Variants in FILIP1 observed in about 807,000 individuals in gnomAD.
FILIP1 encodes filamin-A-interacting protein 1.
Under a neutral mutation model 102.1 loss-of-function variants are expected in FILIP1, and 61 were observed. That is an observed-to-expected ratio of 0.60 (90% CI 0.49 to 0.74). The LOEUF (loss-of-function observed/expected upper bound fraction) is 0.74, where lower values mean the gene tolerates loss of function less well. Ranked by LOEUF, FILIP1 falls within the 30% of genes least tolerant of loss-of-function variation. FILIP1 has a pLI of 0.00. For synonymous variants in FILIP1, 491 were observed against 526.9 expected (o/e 0.93, Z 0.93); for missense variants, 1,314 against 1,441.2 (o/e 0.91, Z 1.43).
intron 2 of FILIP1, among the ~76,000 whole-genome samples, chr6:75,373,542 C>T (rs1775646118): frequency 6.6e-6 from 1 of 152,036 alleles, no homozygotes; most frequent in Non-Finnish European, 1.5e-5. Context: ...TGGCCTCATG[C>T]AATCCTCCCA....
At chr6:75,344,789 T>G (rs1774522636) in intron 4 of FILIP1, among the ~76,000 whole-genome samples, 1 of 152,230 alleles carries the variant, frequency 6.6e-6, no homozygotes, top group African/African-American at 2.4e-5. Context: ...AATCAGGAAC[T>G]TAAGAGTTTC....
At chr6:75,379,046 C>A (rs1017986360) in intron 2 of FILIP1, among the ~76,000 whole-genome samples, 1 of 152,114 alleles carries the variant, frequency 6.6e-6, no homozygotes, top group African/African-American at 2.4e-5. Context: ...CTTTAGAGAT[C>A]ATCGAACTTA....
chr6:75,415,064 C>A (rs1777215129), intron 1 of FILIP1, 86 bp from the exon 2 acceptor site: 3 of 1,258,596 alleles, frequency 2.4e-6, no homozygotes, highest in Non-Finnish European at 3.3e-6. Context: ...CTTATAGCAG[C>A]TTTACCACAT....
chr6:75,366,485 A>C (rs1359641381), intron 2 of FILIP1, among the ~76,000 whole-genome samples: 1 of 152,250 alleles, frequency 6.6e-6, no homozygotes, highest in Non-Finnish European at 1.5e-5. Context: ...AATAGTTTCC[A>C]ATCTCAGCTA....
At chr6:75,368,495 T>C (rs1485354196) in intron 2 of FILIP1, among the ~76,000 whole-genome samples, 3 of 152,178 alleles carry the variant, frequency 2.0e-5, no homozygotes, top group African/African-American at 7.2e-5. Context: ...TGGAGAGATA[T>C]AAACAAACAA....
chr6:75,423,662 A>C (rs1777543748), intron 1 of FILIP1, among the ~76,000 whole-genome samples: 1 of 152,170 alleles, frequency 6.6e-6, no homozygotes, highest in African/African-American at 2.4e-5. Flanking sequence ...ACAATGCCGG[A>C]CCACACATTG....
chr6:75,377,798 T>C (rs1775793250), intron 2 of FILIP1, among the ~76,000 whole-genome samples: 1 of 152,266 alleles, frequency 6.6e-6, no homozygotes, highest in African/African-American at 2.4e-5. Flanking sequence ...GCTACCTTTT[T>C]GCCCTTCGCT....
intron 4 of FILIP1, among the ~76,000 whole-genome samples, chr6:75,345,293 T>C (rs1300818242): frequency 6.6e-6 from 1 of 152,042 alleles, no homozygotes; most frequent in Non-Finnish European, 1.5e-5. Flanking sequence ...CTTAGGCAGA[T>C]AGTGAGAGTA....
At position 75,313,192 on chromosome 6, in the gene FILIP1, G is replaced by A; in HGVS notation, c.2640C>T (p.Pro880=). 1 of 1,614,134 alleles carries A rather than the reference G, an allele frequency of 6.2e-7. No homozygotes were observed. Among genetic ancestry groups the A allele is most frequent in the Non-Finnish European group, 8.5e-7 (1 of 1,180,028 alleles). Residue 880 remains proline, a synonymous_variant, in exon 5 of 6, where the codon CCC becomes CCT. Transcript: ENST00000237172. This position sits in a 1 kb window ranked among gnomAD's most constrained non-coding sequence, Gnocchi z 4.2. ...GGGGCCCTTTCTCCTGAGTGATGGA[G>A]GGGCCGTTTTCCCTCTTTCTCATCC... ...IPWMRKRENG[P]SITQEKGPRT...
intron 1 of FILIP1, among the ~76,000 whole-genome samples, chr6:75,483,285 C>A (rs1244570309): frequency 1.3e-5 from 2 of 152,176 alleles, no homozygotes; most frequent in Admixed American, 6.5e-5. Flanking sequence ...GTTTCCAATG[C>A]ACCTGCTGTA....
intron 4 of FILIP1, among the ~76,000 whole-genome samples, chr6:75,338,965 G>GA (rs1194769044): frequency 4.0e-5 from 6 of 151,750 alleles, no homozygotes; most frequent in Admixed American, 3.9e-4. Context: ...TTCAGTTCAT[G>GA]AAAAAAAATC....
rs377098725 is a variant in FILIP1 at position 75,405,033 on chromosome 6, A to G, written c.276+9664T>C. On this transcript the variant is annotated intron_variant, in intron 2 of 5. Coordinates refer to ENST00000237172, the MANE Select transcript of FILIP1 (RefSeq NM_015687.5). ...TTTCTCATTCAAACTTTTCCAAATAACATCTATACTGGCTAAGCTTAGTAA... is the reference window on the plus strand; with the variant it reads ...TTTCTCATTCAAACTTTTCCAAATAGCATCTATACTGGCTAAGCTTAGTAA... Among the ~76,000 whole-genome samples the G allele has an allele frequency of 2.0e-5, 3 of 152,254 alleles. No homozygotes were observed. The East Asian group carries it at 5.8e-4, about 29-fold the overall frequency.
At chr6:75,416,597 A>G (rs1446770942) in intron 1 of FILIP1, among the ~76,000 whole-genome samples, 3 of 152,208 alleles carry the variant, frequency 2.0e-5, no homozygotes, top group East Asian at 3.9e-4. Flanking sequence ...AAAAAAAAAA[A>G]AAAAAGAAGT....
intron 1 of FILIP1, among the ~76,000 whole-genome samples, chr6:75,430,211 C>T (rs1198758543): frequency 6.6e-6 from 1 of 152,146 alleles, no homozygotes; most frequent in East Asian, 1.9e-4. Context: ...CCTCTTCTGC[C>T]ATGATTGTAA....
intron 4 of FILIP1, among the ~76,000 whole-genome samples, chr6:75,329,408 C>T (rs970992656): frequency 2.6e-5 from 4 of 152,226 alleles, no homozygotes; most frequent in African/African-American, 9.6e-5. Context: ...TTGTCCTCAT[C>T]TTAATCCATC....
At chr6:75,301,596 C>T (rs911302886) in intron 6 of FILIP1, among the ~76,000 whole-genome samples, 5 of 152,034 alleles carry the variant, frequency 3.3e-5, no homozygotes, top group African/African-American at 9.7e-5. Flanking sequence ...GTACTTTTAC[C>T]AGGTAAGTAA....
intron 2 of FILIP1, among the ~76,000 whole-genome samples, chr6:75,370,949 C>T (rs959816977): frequency 6.6e-6 from 1 of 152,016 alleles, no homozygotes; most frequent in Non-Finnish European, 1.5e-5. Context: ...TACATTCCAC[C>T]AGAATGTTGC....
intron 4 of FILIP1, among the ~76,000 whole-genome samples, chr6:75,337,658 T>G (rs1214829317): frequency 1.3e-5 from 2 of 152,174 alleles, no homozygotes; most frequent in Non-Finnish European, 2.9e-5. Context: ...GCACTTGCCT[T>G]CCTTAGTTGG....
chr6:75,458,599 T>G (rs1293522012), intron 1 of FILIP1: 1 of 152,122 alleles, frequency 6.6e-6, no homozygotes, highest in Non-Finnish European at 1.5e-5. Flanking sequence ...AAAACATCAG[T>G]CAAGCCCCTA....
Sources: allele counts gnomAD v4.1 joint callset (sites outside exome capture counted in the v4.1 genomes callset), GRCh38; gene constraint gnomAD v4.1.1; non-coding constraint Gnocchi (gnomAD v3.1); transcripts MANE v1.5; gene names NCBI Gene and HGNC (gene_info 2026-07-23, HGNC 2026-07-21).